Variants in EYS observed in about 807,000 individuals in gnomAD.
EYS encodes the protein EGF-like photoreceptor maintenance factor.
A neutral mutation model predicts 282.1 loss-of-function variants in EYS; 250 were observed. That is an observed-to-expected ratio of 0.89 (90% CI 0.80 to 0.98). The LOEUF is 0.98. Ranked by LOEUF, EYS falls within the 50% of genes least tolerant of loss-of-function variation. EYS has a pLI of 0.00. For synonymous variants in EYS, 1,355 were observed against 1,282.9 expected (o/e 1.06, Z -1.20); for missense variants, 4,016 against 3,709.0 (o/e 1.08, Z -2.15).
At chr6:64,974,325 A>C (rs533897963) in intron 14 of EYS, among the ~76,000 whole-genome samples, 1 of 151,878 alleles carries the variant, frequency 6.6e-6, no homozygotes, top group South Asian at 2.1e-4. Context: ...AAGCCTTCTC[A>C]TGTAAAATCC....
At chr6:65,457,218 T>G (rs890989946) in intron 5 of EYS, among the ~76,000 whole-genome samples, 4 of 152,210 alleles carry the variant, frequency 2.6e-5, no homozygotes, top group African/African-American at 9.6e-5. Context: ...TCGGCTGGAG[T>G]GCAGAGGCAC....
intron 26 of EYS, among the ~76,000 whole-genome samples, chr6:64,476,920 CAT>C (rs1776289072): frequency 6.6e-6 from 1 of 152,092 alleles, no homozygotes; most frequent in African/African-American, 2.4e-5. Context: ...ATGAAATGCA[CAT>C]GTTACATCTA....
chr6:64,090,217 T>A (rs1233815713), intron 31 of EYS, among the ~76,000 whole-genome samples: 1 of 152,146 alleles, frequency 6.6e-6, no homozygotes, highest in African/African-American at 2.4e-5. Flanking sequence ...TATTCTTAAA[T>A]CTTTTCTACT....
intron 19 of EYS, among the ~76,000 whole-genome samples, chr6:64,853,071 C>T (rs1173112913): frequency 6.6e-6 from 1 of 151,764 alleles, no homozygotes; most frequent in African/African-American, 2.4e-5. Context: ...TTAGAGAGAC[C>T]CAAGGTATTG....
intron 12 of EYS, among the ~76,000 whole-genome samples, chr6:65,140,778 A>G (rs1764316473): frequency 6.6e-6 from 1 of 151,992 alleles, no homozygotes; most frequent in East Asian, 1.9e-4. Flanking sequence ...AATGCAAATC[A>G]AAACCACAAT....
chr6:64,334,630 C>T (rs546989051), intron 29 of EYS, among the ~76,000 whole-genome samples: 7 of 152,196 alleles, frequency 4.6e-5, no homozygotes, highest in Admixed American at 1.3e-4. Flanking sequence ...TGAAACAGCC[C>T]GAGCCTTAGA....
chr6:65,056,586 T>C (rs1445324279), intron 13 of EYS, among the ~76,000 whole-genome samples: 1 of 152,010 alleles, frequency 6.6e-6, no homozygotes, highest in African/African-American at 2.4e-5. Flanking sequence ...TGAGATCCTC[T>C]CTCAAAAAAT....
chr6:63,980,487 G>T (rs1049230666), intron 35 of EYS, among the ~76,000 whole-genome samples: 24 of 151,756 alleles, frequency 1.6e-4, no homozygotes, highest in African/African-American at 5.3e-4. Flanking sequence ...AGAGGTAAAA[G>T]GGCTTTCTTC....
At chr6:64,278,662 T>A (rs1768197986) in intron 30 of EYS, among the ~76,000 whole-genome samples, 1 of 152,078 alleles carries the variant, frequency 6.6e-6, no homozygotes, top group African/African-American at 2.4e-5. Flanking sequence ...AACATAGAAA[T>A]AATGCCCAGT....
At chr6:64,773,806 C>A (rs183002709) in intron 22 of EYS, among the ~76,000 whole-genome samples, 3 of 151,962 alleles carry the variant, frequency 2.0e-5, no homozygotes, top group Admixed American at 2.0e-4. Context: ...GTCCTTTGCC[C>A]ACTTTGTAAT....
chr6:65,165,906 C>G (rs1764960940), intron 12 of EYS, among the ~76,000 whole-genome samples: 1 of 150,990 alleles, frequency 6.6e-6, no homozygotes, highest in African/African-American at 2.4e-5. Context: ...ATAATCAATA[C>G]ATGAAAATCA....
At chr6:64,354,743 C>T (rs374305184) in intron 29 of EYS, among the ~76,000 whole-genome samples, 1 of 151,458 alleles carries the variant, frequency 6.6e-6, no homozygotes, top group East Asian at 2.0e-4. Flanking sequence ...TTACTAAATT[C>T]TATTAAAATG....
intron 36 of EYS, among the ~76,000 whole-genome samples, chr6:63,833,387 A>G (rs1188494868): frequency 6.6e-6 from 1 of 152,234 alleles, no homozygotes; most frequent in African/African-American, 2.4e-5. Context: ...TACAAAATCA[A>G]TGTGCAAAAA....
At chr6:64,955,389 C>T (rs1338971159) in intron 14 of EYS, among the ~76,000 whole-genome samples, 1 of 151,868 alleles carries the variant, frequency 6.6e-6, no homozygotes, top group African/African-American at 2.4e-5. Context: ...ATTGTTAAAA[C>T]ATCCATACTA....
intron 12 of EYS, among the ~76,000 whole-genome samples, chr6:65,273,528 G>C (rs898631384): frequency 3.9e-5 from 6 of 152,156 alleles, no homozygotes; most frequent in Admixed American, 6.5e-5. Context: ...GAAAGGCAAG[G>C]CCAAAGAAAT....
intron 22 of EYS, among the ~76,000 whole-genome samples, chr6:64,764,561 T>C (rs774236721): frequency 6.6e-6 from 1 of 152,236 alleles, no homozygotes; most frequent in Non-Finnish European, 1.5e-5. Flanking sequence ...TGAATGTCTC[T>C]GAAATGCCCT....
At position 65,498,319 on chromosome 6, in the gene EYS, C is replaced by T. The variant is rs573178225; in HGVS notation, c.-332-2326G>A. Among the ~76,000 whole-genome samples the T allele has an allele frequency of 8.5e-5, 13 of 152,098 alleles. No individual in the cohort carries two copies. The South Asian group carries it at 2.7e-3, about 32-fold the overall frequency. On this transcript the variant is annotated intron_variant, in intron 2 of 42. Coordinates refer to ENST00000503581, the MANE Select transcript of EYS (RefSeq NM_001142800.2). ...TTTGTACCTGTAAATCACAAATTTA[C>T]AGTAGTAGCAACCTGCACAGGTGTA... is the stretch of plus-strand genomic sequence containing the variant.
intron 35 of EYS, among the ~76,000 whole-genome samples, chr6:63,871,582 A>G (rs911568985): frequency 6.6e-6 from 1 of 152,138 alleles, no homozygotes; most frequent in Non-Finnish European, 1.5e-5. Context: ...GAATCACTGG[A>G]ACCCAGGAGG....
chr6:64,776,450 T>C lies in EYS; in HGVS notation c.3443+36928A>G, dbSNP rs113784002. Among the ~76,000 whole-genome samples, 566 of 152,160 alleles carry C rather than the reference T, an allele frequency of 3.7e-3. 8 individuals carry two copies. The highest frequency in any genetic ancestry group is 0.013 in the African/African-American group (534 of 41,530). On this transcript the variant is annotated intron_variant, in intron 22 of 42. Transcript: ENST00000503581. ...TTATAAGGAGACATTTAAAAACATATATAGGAAAAATATAATCCTTTATAT... is the reference window on the plus strand; with the variant it reads ...TTATAAGGAGACATTTAAAAACATACATAGGAAAAATATAATCCTTTATAT...
Sources: gnomAD v4.1 joint callset for allele counts (sites outside exome capture counted in the v4.1 genomes callset) on GRCh38, gnomAD v4.1.1 for gene constraint, MANE v1.5 for transcripts, NCBI Gene and HGNC (gene_info 2026-07-23, HGNC 2026-07-21) for gene names.